Variants in TNXB observed in about 807,000 individuals in gnomAD.
The protein encoded by TNXB is tenascin-X.
A neutral mutation model predicts 340.5 loss-of-function variants in TNXB; 183 were observed. That is an observed-to-expected ratio of 0.54 (90% CI 0.48 to 0.61). The LOEUF is 0.61. TNXB is among the 20% of genes least tolerant of loss of function. The pLI, the probability that TNXB is intolerant of heterozygous loss-of-function variation, is 0.00. For missense variants in TNXB, 4,613 were observed against 5,446.4 expected (o/e 0.85, Z 4.82); for synonymous variants, 2,121 against 2,314.5 (o/e 0.92, Z 2.40).
intron 22 of TNXB, among the ~76,000 whole-genome samples, chr6:32,057,192 C>G (rs891489033): frequency 6.6e-6 from 1 of 152,116 alleles, no homozygotes; most frequent in Non-Finnish European, 1.5e-5. Context: ...GCCTCTGCAC[C>G]CCTGGCCTCC....
In TNXB at chr6:32,061,703, G is replaced by A. The variant is rs1304810390; in HGVS notation, c.7186C>T (p.Pro2396Ser). ...IGVTAAEEET[P>S]SPTEPSMEAP... ...TCCATGCTGGGTTCTGTGGGGCTGG[G>A]GGTCTCTTCCTCTGCAGCTGAGAAA... Residue 2396 changes from proline (P) to serine (S), a missense_variant, in exon 21 of 44, where the codon CCC becomes TCC. Around this residue, in one of 7 missense-constraint regions of TNXB, gnomAD observed 4,327 missense variants for 4,859.4 expected, o/e 0.89. Coordinates refer to ENST00000644971, the MANE Select transcript of TNXB (RefSeq NM_001365276.2). The surrounding 1 kb of genome is among the most constrained non-coding windows in gnomAD (Gnocchi z 4.4). 1.9e-6 allele frequency: 3 copies of A among 1,611,578 alleles called. No homozygotes were observed. The highest frequency in any genetic ancestry group is 2.2e-5 in the East Asian group (1 of 44,844).
rs1270820595 is a variant in TNXB at position 32,082,319 on chromosome 6, C to T, written c.3453G>A (p.Gln1151=). 1 of 1,593,990 alleles carries T rather than the reference C, an allele frequency of 6.3e-7. No homozygotes were observed. Among genetic ancestry groups the T allele is most frequent in the Non-Finnish European group, 8.6e-7 (1 of 1,168,106 alleles). Residue 1151 remains glutamine (Q), a synonymous_variant, in exon 9 of 44, where the codon CAG becomes CAA. Transcript: ENST00000644971. This position sits in a 1 kb window ranked among gnomAD's most constrained non-coding sequence, Gnocchi z 5.0. ...GTGGAGTCCCTGGACTTGGGTCACT[C>T]TGAGGCACTAGGAAGAGTGGGTAGA... ...PLVAEAKILP[Q]SDPSPGTPPH... is the part of the protein sequence containing the mutation.
chr6:32,052,927 G>C lies in TNXB; in HGVS notation c.8858C>G (p.Pro2953Arg). The change falls in exon 26 of 44, where the codon CCG (proline) becomes CGG (arginine). Residue 2953 changes from proline (P) to arginine (R), a missense_variant. By Grantham distance (103) the Pro-to-Arg change is moderately radical (BLOSUM62 -2). Transcript: ENST00000644971. The surrounding 1 kb of genome is among the most constrained non-coding windows in gnomAD (Gnocchi z 4.7). ...STEAPEPPEE[P>R]LLGELTVTGS... ...TGTCACTGTCAGCTCCCCCAGGAGC[G>C]GCTCCTCAGGGGGCTCCGGGGCCTC... 6.2e-7 allele frequency: 1 copy of C among 1,612,774 alleles called. No homozygotes were observed. The highest frequency in any genetic ancestry group is 8.5e-7 in the Non-Finnish European group (1 of 1,179,846).
rs1490603292 is a variant in TNXB, at chr6:32,062,927, C to A, written c.6842-444G>T. Among the ~76,000 whole-genome samples, 1 of 151,926 alleles carries A rather than the reference C, an allele frequency of 6.6e-6. No homozygotes were observed. Among genetic ancestry groups the A allele is most frequent in the Admixed American group, 6.6e-5 (1 of 15,234 alleles). ...AAAATTAGCCAGGCGTGTTGGCGGGCACCTGTAGTCCCAGCTACTCAGGAG... is the reference window on the plus strand; with the variant it reads ...AAAATTAGCCAGGCGTGTTGGCGGGAACCTGTAGTCCCAGCTACTCAGGAG... On this transcript the variant is annotated intron_variant, in intron 19 of 43. Coordinates refer to ENST00000644971, the MANE Select transcript of TNXB (RefSeq NM_001365276.2). The surrounding 1 kb of genome is among the most constrained non-coding windows in gnomAD (Gnocchi z 4.3).
chr6:32,078,078 A>G (rs1779186756), intron 11 of TNXB, among the ~76,000 whole-genome samples: 2 of 49,644 alleles, frequency 4.0e-5, no homozygotes, highest in Non-Finnish European at 4.0e-5. Flanking sequence ...AGAAAGAGAA[A>G]GAAAGAAAGA....
chr6:32,073,632 C>T lies in TNXB; in HGVS notation c.4681+15G>A, dbSNP rs755529483. 6.3e-7 allele frequency: 1 copy of T among 1,598,256 alleles called. No individual in the cohort carries two copies. The highest frequency in any genetic ancestry group is 2.2e-5 in the East Asian group (1 of 44,648). On this transcript the variant is annotated intron_variant, in intron 12 of 43. Coordinates refer to ENST00000644971, the MANE Select transcript of TNXB (RefSeq NM_001365276.2). The surrounding 1 kb of genome is among the most constrained non-coding windows in gnomAD (Gnocchi z 4.6). ...GGGTAACCAGAGATGAGGACTGAGT[C>T]CCCCCATTACTCACCCGTCACGATG...
At position 32,085,142 on chromosome 6, in the gene TNXB, C is replaced by T. The variant is rs1170517902; in HGVS notation, c.3149-433G>A. On this transcript the variant is annotated intron_variant, in intron 7 of 43. Transcript: ENST00000644971. This position sits in a 1 kb window ranked among gnomAD's most constrained non-coding sequence, Gnocchi z 6.4. ...GCCACCCTGGTCCCACAGAGAGGAACAAAGAGGGGATGTGAAAGCCAGGTA... is the reference window on the plus strand; with the variant it reads ...GCCACCCTGGTCCCACAGAGAGGAATAAAGAGGGGATGTGAAAGCCAGGTA... Among the ~76,000 whole-genome samples, 1 of 152,058 alleles carries T rather than the reference C, an allele frequency of 6.6e-6. No individual in the cohort carries two copies. The highest frequency in any genetic ancestry group is 1.5e-5 in the Non-Finnish European group (1 of 68,020).
rs745824476 is a variant in TNXB at position 32,073,917 on chromosome 6, A to T, written c.4411T>A (p.Ser1471Thr). 6.9e-6 allele frequency: 11 copies of T among 1,604,056 alleles called. No homozygotes were observed. The highest frequency in any genetic ancestry group is 1.3e-5 in the African/African-American group (1 of 74,692). The change falls in exon 12 of 44, where the codon TCC becomes ACC. Residue 1471 changes from serine to threonine, a missense_variant. Ser to Thr is a moderately conservative substitution (Grantham distance 58, BLOSUM62 1). Around this residue, in one of 7 missense-constraint regions of TNXB, gnomAD observed 4,327 missense variants for 4,859.4 expected, o/e 0.89. Coordinates refer to ENST00000644971, the MANE Select transcript of TNXB (RefSeq NM_001365276.2). The surrounding 1 kb of genome is among the most constrained non-coding windows in gnomAD (Gnocchi z 4.6). ...QQEETPPATE[S>T]PLEPRLGELT... ...TCTCCTAGGCGTGGCTCCAGCGGGG[A>T]CTCAGTGGCTGGAGGGGTCTCTTCT...
In TNXB at chr6:32,058,647, A is replaced by C. The variant is rs1777832131; in HGVS notation, c.7493-257T>G. ...ACTGAGACATAGTGTCAGGAGCCAA[A>C]GTAATTCTCATTTCCTTTGACCCAA... is the stretch of plus-strand genomic sequence containing the variant. On this transcript the variant is annotated intron_variant, in intron 21 of 43. Coordinates refer to ENST00000644971, the MANE Select transcript of TNXB (RefSeq NM_001365276.2). The surrounding 1 kb of genome is among the most constrained non-coding windows in gnomAD (Gnocchi z 5.1). 6.6e-6 allele frequency among the ~76,000 whole-genome samples: 1 copy of C among 151,882 alleles called. No individual in the cohort carries two copies. Among genetic ancestry groups the C allele is most frequent in the Non-Finnish European group, 1.5e-5 (1 of 68,032 alleles).
At chr6:32,099,272 C>T (rs972823349) in intron 1 of TNXB, among the ~76,000 whole-genome samples, 3 of 150,036 alleles carry the variant, frequency 2.0e-5, no homozygotes, top group African/African-American at 7.4e-5. Context: ...CTTACTCTGT[C>T]GCCCAGGCTG....
chr6:32,097,518 C>T lies in TNXB; in HGVS notation c.404-69G>A, dbSNP rs1780482659. On this transcript the variant is annotated intron_variant, in intron 2 of 43. Coordinates refer to ENST00000644971, the MANE Select transcript of TNXB (RefSeq NM_001365276.2). The surrounding 1 kb of genome is among the most constrained non-coding windows in gnomAD (Gnocchi z 5.9). ...AGAGAGGCTGAGCCTATGTAGTGCT[C>T]CTATGTGCAGGCCCCTAGCCAGGCT... 6.6e-7 allele frequency: 1 copy of T among 1,523,694 alleles called. No homozygotes were observed. Among genetic ancestry groups the T allele is most frequent in the Non-Finnish European group, 8.8e-7 (1 of 1,136,942 alleles). The allele number at this position is 1,523,694 out of a possible 1,614,324, so 94.4% of individuals were successfully genotyped here. A position where few individuals can be genotyped will look rare whatever the true frequency, so the allele number is the denominator to read the frequency against.
chr6:32,064,732 GAA>G lies in TNXB; in HGVS notation c.6841+87_6841+88del. Reference sequence around the variant, plus strand: ...GGAGCTTGGGAGGCTTGGTCTCAGGGAAAGTAAAATAAAGCCACCAGATACTG... The same window carrying G: ...GGAGCTTGGGAGGCTTGGTCTCAGGGAGTAAAATAAAGCCACCAGATACTG... On this transcript the variant is annotated intron_variant, in intron 19 of 43. Transcript: ENST00000644971. The surrounding 1 kb of genome is among the most constrained non-coding windows in gnomAD (Gnocchi z 5.3). 2 of 1,509,190 alleles carry G rather than the reference GAA, an allele frequency of 1.3e-6. No individual in the cohort carries two copies. Among genetic ancestry groups the G allele is most frequent in the South Asian group, 2.6e-5 (2 of 75,706 alleles). The allele number at this position is 1,509,190 out of a possible 1,614,324, so 93.5% of individuals were successfully genotyped here. A position where few individuals can be genotyped will look rare whatever the true frequency, so the allele number is the denominator to read the frequency against.
Position 32,072,343 on chromosome 6 carries a change from G to A in TNXB, c.4682-45C>T. The A allele has an allele frequency of 6.5e-7, 1 of 1,527,414 alleles. No homozygotes were observed. The highest frequency in any genetic ancestry group is 8.8e-7 in the Non-Finnish European group (1 of 1,134,298). The allele number at this position is 1,527,414 out of a possible 1,614,324, so 94.6% of individuals were successfully genotyped here. A position where few individuals can be genotyped will look rare whatever the true frequency, so the allele number is the denominator to read the frequency against. ...AGAACATGGTTGAGATCTCTGAGGG[G>A]AGAACCCCTGGGCTTTGAGGGCCTC... On this transcript the variant is annotated intron_variant, in intron 12 of 43. Coordinates refer to ENST00000644971, the MANE Select transcript of TNXB (RefSeq NM_001365276.2). This position sits in a 1 kb window ranked among gnomAD's most constrained non-coding sequence, Gnocchi z 4.4.
chr6:32,056,475 AGGTCTGT>A (rs1777650397), intron 23 of TNXB, 104 bp downstream of exon 23: 1 of 1,496,534 alleles, frequency 6.7e-7, no homozygotes. Flanking sequence ...AGCCACAAGC[AGGTCTGT>A]GGTGCTGACC....
chr6:32,105,301 C>T (rs1780923344), intron 1 of TNXB, among the ~76,000 whole-genome samples: 1 of 152,208 alleles, frequency 6.6e-6, no homozygotes, highest in Non-Finnish European at 1.5e-5. Context: ...AGGTCAGGTC[C>T]TCCTATCATG....
rs764912448 is a variant in TNXB at position 32,097,304 on chromosome 6, G to A, written c.549C>T (p.Ala183=). 144 of 1,613,538 alleles carry A rather than the reference G, an allele frequency of 8.9e-5. No homozygotes were observed. The highest frequency in any genetic ancestry group is 1.2e-4 in the Non-Finnish European group (140 of 1,179,832). Residue 183 remains alanine, a synonymous_variant, in exon 3 of 44, where the codon GCC becomes GCT. Coordinates refer to ENST00000644971, the MANE Select transcript of TNXB (RefSeq NM_001365276.2). The surrounding 1 kb of genome is among the most constrained non-coding windows in gnomAD (Gnocchi z 5.9). ...TGCAGTCATCTGGGCAGGACCCCGA[G>A]GCTGAGGGTGGGGAAGAGGGAGGGA... is the stretch of plus-strand genomic sequence containing the variant. ...AEIPPSSPPS[A]SGSCPDDCND...
Position 32,079,228 on chromosome 6 carries a change from C to A in TNXB, c.4180G>T (p.Val1394Phe). The A allele has an allele frequency of 6.2e-7, 1 of 1,613,768 alleles. No homozygotes were observed. The highest frequency in any genetic ancestry group is 8.5e-7 in the Non-Finnish European group (1 of 1,179,868). ...AAAGAGTCGAAGCTGCCCTGGGGGA[C>A]GGTCCAGAAGAGGCTCAGCGAATCA... ...SPDSLSLFWT[V>F]PQGSFDSFTV... is the part of the protein sequence containing the mutation. Residue 1394 changes from valine (V) to phenylalanine (F), a missense_variant, in exon 11 of 44, where the codon GTC becomes TTC. Coordinates refer to ENST00000644971, the MANE Select transcript of TNXB (RefSeq NM_001365276.2). The surrounding 1 kb of genome is among the most constrained non-coding windows in gnomAD (Gnocchi z 7.1).
At chr6:32,076,517 T>C (rs1186767962) in intron 11 of TNXB, among the ~76,000 whole-genome samples, 4 of 152,178 alleles carry the variant, frequency 2.6e-5, no homozygotes, top group Non-Finnish European at 5.9e-5. Context: ...CATTAGAACA[T>C]GGATATACAG....
chr6:32,053,351 C>A, intron 25 of TNXB, 37 bp downstream of exon 25: 3 of 1,597,996 alleles, frequency 1.9e-6, no homozygotes, highest in Non-Finnish European at 2.6e-6. Flanking sequence ...GAGACCCTCC[C>A]ACAGGCCCCA....
Sources: allele counts gnomAD v4.1 joint callset (sites outside exome capture counted in the v4.1 genomes callset), GRCh38; gene constraint gnomAD v4.1.1; regional missense constraint gnomAD v4.1.1; non-coding constraint Gnocchi (gnomAD v3.1); transcripts MANE v1.5; gene names NCBI Gene and HGNC (gene_info 2026-07-23, HGNC 2026-07-21).